The following NAA30 variants were observed in gnomAD, a reference collection of about 807,000 sequenced individuals.
NAA30 encodes the protein N-alpha-acetyltransferase 30.
In NAA30, 5 loss-of-function variants were observed where a neutral mutation model predicts 31.4. The observed-to-expected ratio is 0.16, with a 90% CI of 0.08 to 0.33. NAA30 has a LOEUF of 0.33. Ranked by LOEUF, NAA30 falls within the 10% of genes least tolerant of loss-of-function variation. The pLI, the probability that NAA30 is intolerant of heterozygous loss-of-function variation, is 1.00. For missense variants in NAA30, 428 were observed against 490.8 expected (o/e 0.87, Z 1.21); for synonymous variants, 222 against 207.1 (o/e 1.07, Z -0.62).
At chr14:57,404,467 A>ATTT (rs2066490263) in intron 4 of NAA30, among the ~76,000 whole-genome samples, 1 of 152,206 alleles carries the variant, frequency 6.6e-6, no homozygotes, top group Non-Finnish European at 1.5e-5. Flanking sequence ...ACGTCATCTA[A>ATTT]TTTTTGCTTA....
rs1006801584 is a variant in NAA30, at chr14:57,413,303, A to G, written c.*3787A>G. The G allele has an allele frequency of 6.6e-6, 1 of 152,216 alleles. No homozygotes were observed. Among genetic ancestry groups the G allele is most frequent in the Non-Finnish European group, 1.5e-5 (1 of 68,028 alleles). The allele number at this position is 152,216 out of a possible 1,614,324, so 9.4% of individuals were successfully genotyped here. A position where few individuals can be genotyped will look rare whatever the true frequency, so the allele number is the denominator to read the frequency against. On this transcript the variant is annotated 3_prime_UTR_variant, in exon 5 of 5. Coordinates refer to ENST00000556492, the MANE Select transcript of NAA30 (RefSeq NM_001011713.3). ...ATTTAACTGCTAAATTACTTTTATC[A>G]TGCATGCCAAATCTTTACATTATTC...
chr14:57,399,435 G>A (rs866187359), intron 3 of NAA30, among the ~76,000 whole-genome samples: 4 of 152,172 alleles, frequency 2.6e-5, no homozygotes, highest in Admixed American at 6.5e-5. Context: ...TCTTTGGTGA[G>A]ATCAGCTTGG....
chr14:57,399,710 G>A, intron 3 of NAA30, 118 bp from the exon 4 acceptor site: 1 of 690,260 alleles, frequency 1.4e-6, no homozygotes, highest in Non-Finnish European at 2.5e-6. Context: ...GGTAATCCGT[G>A]TATCTGGATT....
At chr14:57,400,092 T>TG (rs1378228162) in intron 4 of NAA30, among the ~76,000 whole-genome samples, 4 of 152,068 alleles carry the variant, frequency 2.6e-5, no homozygotes, top group Non-Finnish European at 5.9e-5. Flanking sequence ...TCAAAATGTG[T>TG]GGGGGGAATC....
intron 2 of NAA30, among the ~76,000 whole-genome samples, chr14:57,396,397 C>G (rs1402910853): frequency 2.0e-5 from 2 of 102,238 alleles, no homozygotes; most frequent in South Asian, 4.6e-4. Flanking sequence ...TGCATATTTC[C>G]CCTTCCAGAA....
chr14:57,394,818 AT>A (rs2066443944), intron 2 of NAA30, among the ~76,000 whole-genome samples: 1 of 152,054 alleles, frequency 6.6e-6, no homozygotes, highest in Non-Finnish European at 1.5e-5. Context: ...ATTTTTCCTC[AT>A]TTTTGGATAG....
At chr14:57,396,356 A>G (rs2066450391) in intron 2 of NAA30, among the ~76,000 whole-genome samples, 1 of 152,032 alleles carries the variant, frequency 6.6e-6, no homozygotes, top group Non-Finnish European at 1.5e-5. Flanking sequence ...GTCCTAATGA[A>G]TAGACTTTTT....
intron 3 of NAA30, 73 bp from the exon 4 acceptor site, chr14:57,399,755 T>C: frequency 1.2e-6 from 1 of 839,802 alleles, no homozygotes; most frequent in South Asian, 1.5e-5. Context: ...TTTCTGTGCT[T>C]ACGAATATTA....
chr14:57,396,951 A>C (rs2066453215), intron 3 of NAA30, 76 bp downstream of exon 3: 2 of 1,414,328 alleles, frequency 1.4e-6, no homozygotes, highest in Non-Finnish European at 1.9e-6. Flanking sequence ...TAAAAGACTT[A>C]AATGTAAGTA....
In NAA30 at chr14:57,413,164, A is replaced by G. The variant is rs1047908588; in HGVS notation, c.*3648A>G. 8 of 152,008 alleles carry G rather than the reference A, an allele frequency of 5.3e-5. No homozygotes were observed. 9.4% of individuals were successfully genotyped at this position (152,008 alleles called of 1,614,324 possible). On this transcript the variant is annotated 3_prime_UTR_variant, in exon 5 of 5. Coordinates refer to ENST00000556492, the MANE Select transcript of NAA30 (RefSeq NM_001011713.3). ...TAAGACACCAAAGTAAAATAGAGCA[A>G]TATCCAAAGAGCTTTTTGCCCCTGT...
At chr14:57,394,934 C>A (rs1305689125) in intron 2 of NAA30, among the ~76,000 whole-genome samples, 1 of 152,026 alleles carries the variant, frequency 6.6e-6, no homozygotes, top group Admixed American at 6.5e-5. Context: ...TTTTTTCTGG[C>A]CCTTTTAAAT....
At chr14:57,409,312 G>A in intron 4 of NAA30, 67 bp from the exon 5 acceptor site, 10 of 1,251,184 alleles carry the variant, frequency 8.0e-6, no homozygotes, top group Non-Finnish European at 1.1e-5. Context: ...TTAAAAAATT[G>A]TTTAGTTGGT....
Position 57,411,676 on chromosome 14 carries a change from A to T in NAA30, c.*2160A>T, listed in dbSNP as rs1022865882. The T allele has an allele frequency of 4.6e-5, 7 of 152,136 alleles. No individual in the cohort carries two copies. Among genetic ancestry groups the T allele is most frequent in the Non-Finnish European group, 1.0e-4 (7 of 67,996 alleles). The allele number at this position is 152,136 out of a possible 1,614,324, so 9.4% of individuals were successfully genotyped here. A position where few individuals can be genotyped will look rare whatever the true frequency, so the allele number is the denominator to read the frequency against. ...GTTAACTGTGTGACTAAAAAGTCAG[A>T]TGGTTGCCATATTGTTTGGAATATG... On this transcript the variant is annotated 3_prime_UTR_variant, in exon 5 of 5. Coordinates refer to ENST00000556492, the MANE Select transcript of NAA30 (RefSeq NM_001011713.3).
chr14:57,397,751 C>A (rs2066457651), intron 3 of NAA30, among the ~76,000 whole-genome samples: 1 of 152,150 alleles, frequency 6.6e-6, no homozygotes, highest in African/African-American at 2.4e-5. Context: ...ATGGCGAAAC[C>A]CTGTCTCTAC....
In NAA30 at chr14:57,415,406, G is replaced by A. The variant is rs2066542934; in HGVS notation, c.*5890G>A. The A allele has an allele frequency of 6.6e-6, 1 of 152,124 alleles. No homozygotes were observed. Among genetic ancestry groups the A allele is most frequent in the Non-Finnish European group, 1.5e-5 (1 of 68,040 alleles). The allele number at this position is 152,124 out of a possible 1,614,324, so 9.4% of individuals were successfully genotyped here. ...AACTCACCCTTTTTAAAAGCCAGCA[G>A]GTTGCACAAACCAAAAACAAAATAT... On this transcript the variant is annotated 3_prime_UTR_variant, in exon 5 of 5. Transcript: ENST00000556492.
At chr14:57,405,889 T>G (rs2066496439) in intron 4 of NAA30, among the ~76,000 whole-genome samples, 1 of 152,196 alleles carries the variant, frequency 6.6e-6, no homozygotes, top group Non-Finnish European at 1.5e-5. Flanking sequence ...CTGATAATGA[T>G]CTGTTACTGT....
At chr14:57,409,354 T>C (rs367695961) in intron 4 of NAA30, 25 bp from the exon 5 acceptor site, 1 of 1,556,696 alleles carries the variant, frequency 6.4e-7, no homozygotes. Flanking sequence ...AATTATAACT[T>C]AGTTTTTTTC....
intron 3 of NAA30, among the ~76,000 whole-genome samples, chr14:57,397,266 A>T (rs2066454628): frequency 6.6e-6 from 1 of 152,216 alleles, no homozygotes; most frequent in Non-Finnish European, 1.5e-5. Context: ...ACCTCAATCA[A>T]GCCAAAATTA....
At chr14:57,405,251 A>G (rs1420430295) in intron 4 of NAA30, among the ~76,000 whole-genome samples, 2 of 152,180 alleles carry the variant, frequency 1.3e-5, no homozygotes, top group African/African-American at 4.8e-5. Flanking sequence ...TTAGGAGCCA[A>G]GAAGATCTAA....
Sources: allele counts gnomAD v4.1 joint callset (sites outside exome capture counted in the v4.1 genomes callset), GRCh38; gene constraint gnomAD v4.1.1; transcripts MANE v1.5; gene names NCBI Gene and HGNC (gene_info 2026-07-23, HGNC 2026-07-21).